The following SYN2 variants were observed in gnomAD, a reference collection of about 807,000 sequenced individuals.
SYN2 encodes synapsin-2.
A neutral mutation model predicts 50.9 loss-of-function variants in SYN2; 19 were observed. That is an observed-to-expected ratio of 0.37 (90% CI 0.26 to 0.55). SYN2 has a LOEUF of 0.55. SYN2 is among the 20% of genes least tolerant of loss of function. SYN2 has a pLI of 0.81. For missense variants in SYN2, 587 were observed against 576.4 expected, an observed-to-expected ratio of 1.02 and a Z score of -0.19; for synonymous variants, 255 against 224.9, an observed-to-expected ratio of 1.13 and a Z score of -1.20.
chr3:12,125,441 T>C (rs1349165570), intron 1 of SYN2, among the ~76,000 whole-genome samples: 1 of 152,248 alleles, frequency 6.6e-6, no homozygotes, highest in Non-Finnish European at 1.5e-5. Flanking sequence ...GATTATGTTT[T>C]CCCTAAGTGG....
intron 1 of SYN2, among the ~76,000 whole-genome samples, chr3:12,031,414 A>G (rs1442537668): frequency 1.9e-3 from 107 of 55,082 alleles, no homozygotes; most frequent in African/African-American, 5.5e-3. Flanking sequence ...TGCAGAGCTG[A>G]GTTCAATTCC....
intron 1 of SYN2, chr3:12,071,620 A>G (rs1334938098): frequency 9.2e-6 from 3 of 325,460 alleles, no homozygotes; most frequent in Non-Finnish European, 1.8e-5. Context: ...TTCTTAGTAC[A>G]AGTGGCTTGG....
At chr3:12,020,060 C>T (rs1031299862) in intron 1 of SYN2, among the ~76,000 whole-genome samples, 4 of 152,210 alleles carry the variant, frequency 2.6e-5, no homozygotes, top group South Asian at 2.1e-4. Flanking sequence ...ATTTAAAGAT[C>T]GTCTCCTTTC....
At chr3:12,175,575 A>G (rs1481885711) in intron 10 of SYN2, among the ~76,000 whole-genome samples, 1 of 152,246 alleles carries the variant, frequency 6.6e-6, no homozygotes, top group Non-Finnish European at 1.5e-5. Context: ...GACCAAGACC[A>G]GGACAGACCT....
At chr3:12,141,837 G>T in intron 2 of SYN2, 68 bp from the exon 3 acceptor site, 1 of 769,702 alleles carries the variant, frequency 1.3e-6, no homozygotes, top group Non-Finnish European at 2.4e-6. Flanking sequence ...TAGGGATGTT[G>T]CTGCTGCTAT....
chr3:12,072,033 A>G (rs1695364726), intron 1 of SYN2, among the ~76,000 whole-genome samples: 1 of 152,208 alleles, frequency 6.6e-6, no homozygotes, highest in East Asian at 1.9e-4. Context: ...TTATGTGAGA[A>G]CATTAGGCCC....
At chr3:12,034,167 T>G (rs945066554) in intron 1 of SYN2, among the ~76,000 whole-genome samples, 1 of 152,252 alleles carries the variant, frequency 6.6e-6, no homozygotes, top group Non-Finnish European at 1.5e-5. Context: ...TGGTTCCACT[T>G]TCTTCACATC....
chr3:12,058,042 C>T (rs1695033532), intron 1 of SYN2, among the ~76,000 whole-genome samples: 1 of 152,138 alleles, frequency 6.6e-6, no homozygotes. Flanking sequence ...AACAAATGCA[C>T]ATACCTAGAA....
intron 5 of SYN2, among the ~76,000 whole-genome samples, chr3:12,158,087 G>A (rs538903718): frequency 9.2e-5 from 14 of 152,204 alleles, no homozygotes; most frequent in East Asian, 5.8e-4. Context: ...GAGTGCACAC[G>A]TGTAAAGAAC....
intron 5 of SYN2, among the ~76,000 whole-genome samples, chr3:12,160,833 G>A (rs1022702306): frequency 6.6e-6 from 1 of 152,224 alleles, no homozygotes; most frequent in Non-Finnish European, 1.5e-5. Context: ...GCCCTTAGAG[G>A]ATAATCCTTC....
intron 1 of SYN2, among the ~76,000 whole-genome samples, chr3:12,084,533 C>T (rs1184949766): frequency 1.3e-5 from 2 of 152,060 alleles, no homozygotes; most frequent in African/African-American, 4.8e-5. Context: ...AAAGGGAGTC[C>T]TTCAAGCTGA....
rs370262068 is a variant in SYN2 at position 12,140,971 on chromosome 3, C to G, written c.435+263C>G. Among the ~76,000 whole-genome samples the G allele has an allele frequency of 1.4e-4, 21 of 152,260 alleles. No homozygotes were observed. In the East Asian group the frequency reaches 2.9e-3, roughly 21 times the overall value. Reference sequence around the variant, plus strand: ...AGCAAGCAGTTTGGTTCTTAGCACCCTCTTGCAGTGTAAGGTTCCCAGACT... The same window carrying G: ...AGCAAGCAGTTTGGTTCTTAGCACCGTCTTGCAGTGTAAGGTTCCCAGACT... On this transcript the variant is annotated intron_variant, in intron 2 of 12. Coordinates refer to ENST00000621198, the MANE Select transcript of SYN2 (RefSeq NM_133625.6).
chr3:12,059,924 G>A (rs1695077417), intron 1 of SYN2, among the ~76,000 whole-genome samples: 1 of 152,148 alleles, frequency 6.6e-6, no homozygotes, highest in African/African-American at 2.4e-5. Flanking sequence ...ATAGAGCATG[G>A]AAATCATCAT....
intron 1 of SYN2, among the ~76,000 whole-genome samples, chr3:12,015,719 G>GT (rs879568785): frequency 1.3e-5 from 2 of 152,106 alleles, no homozygotes; most frequent in Non-Finnish European, 2.9e-5. Context: ...CCCCATGCTT[G>GT]TTTTTTTCTG....
chr3:12,081,116 G>A (rs912259572), intron 1 of SYN2, among the ~76,000 whole-genome samples: 1 of 152,026 alleles, frequency 6.6e-6, no homozygotes, highest in East Asian at 1.9e-4. Flanking sequence ...TTAGTCAAAG[G>A]GTTATCTGCA....
chr3:12,175,879 A>G (rs1261783962), intron 10 of SYN2, among the ~76,000 whole-genome samples: 1 of 152,244 alleles, frequency 6.6e-6, no homozygotes, highest in Middle Eastern at 3.2e-3. Flanking sequence ...CACCAAGAGC[A>G]GGGAGGTGAG....
chr3:12,057,137 CA>C (rs1412007556), intron 1 of SYN2, among the ~76,000 whole-genome samples: 1 of 151,924 alleles, frequency 6.6e-6, no homozygotes, highest in East Asian at 1.9e-4. Flanking sequence ...ACTAAAAATA[CA>C]AAAATTAGCT....
chr3:12,015,652 G>A (rs1189818120), intron 1 of SYN2, among the ~76,000 whole-genome samples: 1 of 152,166 alleles, frequency 6.6e-6, no homozygotes, highest in Admixed American at 6.6e-5. Context: ...ACATAAGGCT[G>A]ATTACGTACC....
At chr3:12,037,200 C>A (rs532591374) in intron 1 of SYN2, among the ~76,000 whole-genome samples, 1 of 152,306 alleles carries the variant, frequency 6.6e-6, no homozygotes, top group South Asian at 2.1e-4. Context: ...CTTCCTACAG[C>A]TCTCATCTTT....
Sources: allele counts gnomAD v4.1 joint callset (sites outside exome capture counted in the v4.1 genomes callset), GRCh38; gene constraint gnomAD v4.1.1; transcripts MANE v1.5; gene names NCBI Gene and HGNC (gene_info 2026-07-23, HGNC 2026-07-21).